CACNA2D3: variants seen among roughly 807,000 people sequenced by gnomAD.
CACNA2D3 encodes the protein calcium voltage-gated channel auxiliary subunit alpha2delta 3, also known as voltage-dependent calcium channel subunit alpha-2/delta-3.
Under a neutral mutation model 160.6 loss-of-function variants are expected in CACNA2D3, and 60 were observed. The ratio of observed to expected loss-of-function variants is 0.37; its 90% CI spans 0.30 to 0.46. CACNA2D3 has a LOEUF of 0.46. Among genes scored for constraint, CACNA2D3 ranks in the 20% least tolerant of loss-of-function variants. The probability of loss-of-function intolerance (pLI) is 1.00; values close to 1 mark genes in which losing one functional copy is unlikely to be tolerated. For synonymous variants in CACNA2D3, 558 were observed against 492.9 expected (o/e 1.13, Z -1.75); for missense variants, 1,205 against 1,365.0 (o/e 0.88, Z 1.85).
At chr3:54,688,390 T>C (rs1326641449) in intron 11 of CACNA2D3, among the ~76,000 whole-genome samples, 1 of 152,042 alleles carries the variant, frequency 6.6e-6, no homozygotes, top group African/African-American at 2.4e-5. Flanking sequence ...CTTTTTCCTG[T>C]GCCTTTTTTC....
chr3:54,542,904 C>A (rs1477460048), intron 5 of CACNA2D3, among the ~76,000 whole-genome samples: 1 of 152,098 alleles, frequency 6.6e-6, no homozygotes, highest in Non-Finnish European at 1.5e-5. Context: ...AACAGTATTT[C>A]TATTTGTTTA....
chr3:54,767,097 A>G (rs1433663851), intron 13 of CACNA2D3, among the ~76,000 whole-genome samples: 3 of 151,860 alleles, frequency 2.0e-5, no homozygotes, highest in Admixed American at 6.6e-5. Flanking sequence ...GGAGAAAATG[A>G]CACAACTCTG....
chr3:55,021,757 A>G (rs377340455), intron 35 of CACNA2D3, among the ~76,000 whole-genome samples: 5 of 149,564 alleles, frequency 3.3e-5, no homozygotes, highest in African/African-American at 1.2e-4. Context: ...CATCTCTAAC[A>G]AGTTTCTCAT....
intron 4 of CACNA2D3, among the ~76,000 whole-genome samples, chr3:54,430,676 A>G (rs1699976130): frequency 6.6e-6 from 1 of 152,228 alleles, no homozygotes; most frequent in East Asian, 1.9e-4. Flanking sequence ...AGTCTCTTCC[A>G]GACCTGCAAT....
intron 4 of CACNA2D3, among the ~76,000 whole-genome samples, chr3:54,446,957 G>A (rs560297862): frequency 6.6e-6 from 1 of 152,316 alleles, no homozygotes; most frequent in South Asian, 2.1e-4. Context: ...TTCAAGGTGG[G>A]ATCCCGGAGG....
chr3:54,644,469 G>A (rs977750477), intron 11 of CACNA2D3, among the ~76,000 whole-genome samples: 1 of 152,080 alleles, frequency 6.6e-6, no homozygotes, highest in Non-Finnish European at 1.5e-5. Context: ...TAATCAACTC[G>A]CATAAAAACC....
At chr3:55,030,931 A>G (rs929859486) in intron 35 of CACNA2D3, among the ~76,000 whole-genome samples, 5 of 152,178 alleles carry the variant, frequency 3.3e-5, no homozygotes, top group Non-Finnish European at 5.9e-5. Flanking sequence ...GCGCATGTCT[A>G]TAATGACTAG....
chr3:54,577,228 G>A (rs911198258), intron 8 of CACNA2D3, among the ~76,000 whole-genome samples: 4 of 152,178 alleles, frequency 2.6e-5, no homozygotes, highest in Admixed American at 1.3e-4. Flanking sequence ...GTAATATTCA[G>A]TGAGCAAATA....
intron 3 of CACNA2D3, among the ~76,000 whole-genome samples, chr3:54,325,546 G>A (rs772869038): frequency 2.0e-5 from 3 of 152,134 alleles, no homozygotes; most frequent in Non-Finnish European, 4.4e-5. Context: ...TGGTTTCAGG[G>A]CCAGACACTG....
chr3:54,478,660 G>GTGTATGTATATATATATATATATA lies in CACNA2D3; in HGVS notation c.382-24831_382-24830insGTATGTATATATATATATATATAT. ...AAAATATATATATAAATATGTGTGTGTATATATATATATATATATTGCTTG... is the reference window on the plus strand; with the variant it reads ...AAAATATATATATAAATATGTGTGTGTGTATGTATATATATATATATATATATATATATATATATATATTGCTTG... On this transcript the variant is annotated intron_variant, in intron 4 of 37. Coordinates refer to ENST00000474759, the MANE Select transcript of CACNA2D3 (RefSeq NM_018398.3). Among the ~76,000 whole-genome samples, 5 of 36,374 alleles carry GTGTATGTATATATATATATATATA rather than the reference G, an allele frequency of 1.4e-4. 1 individual carries two copies. The highest frequency in any genetic ancestry group is 3.6e-4 in the African/African-American group (5 of 13,852). 23.9% of individuals were successfully genotyped at this position (36,374 alleles called of 152,430 possible).
Position 54,971,051 on chromosome 3 carries a change from T to C in CACNA2D3, c.2556+1207T>C, listed in dbSNP as rs1484903765. Reference sequence around the variant, plus strand: ...CCAGGATGAAGTTAAAACAAAATGCTCGGTCCCAGAGGATCTGGCTGCTGG... The same window carrying C: ...CCAGGATGAAGTTAAAACAAAATGCCCGGTCCCAGAGGATCTGGCTGCTGG... On this transcript the variant is annotated intron_variant, in intron 29 of 37. Transcript: ENST00000474759. Among the ~76,000 whole-genome samples, 3 of 151,890 alleles carry C rather than the reference T, an allele frequency of 2.0e-5. No homozygotes were observed. In the East Asian group the frequency reaches 5.8e-4, roughly 29 times the overall value.
At chr3:54,644,877 C>T (rs2106851331) in intron 11 of CACNA2D3, among the ~76,000 whole-genome samples, 1 of 152,338 alleles carries the variant, frequency 6.6e-6, no homozygotes, top group Middle Eastern at 3.4e-3. Flanking sequence ...TTTAGATACT[C>T]TGCAGGCTTT....
At position 54,610,659 on chromosome 3, in the gene CACNA2D3, C is replaced by G. The variant is rs568991931; in HGVS notation, c.964-17128C>G. Among the ~76,000 whole-genome samples, 4 of 151,966 alleles carry G rather than the reference C, an allele frequency of 2.6e-5. No homozygotes were observed. In the East Asian group the frequency reaches 7.8e-4, roughly 29 times the overall value. On this transcript the variant is annotated intron_variant, in intron 9 of 37. Coordinates refer to ENST00000474759, the MANE Select transcript of CACNA2D3 (RefSeq NM_018398.3). ...TCTTTTTGAGATGGAGTTTCACTCT[C>G]GTCACCCAGGCTGGAGTGCAGTGGC...
At chr3:54,355,860 G>T (rs1698640288) in intron 3 of CACNA2D3, among the ~76,000 whole-genome samples, 1 of 152,186 alleles carries the variant, frequency 6.6e-6, no homozygotes, top group Non-Finnish European at 1.5e-5. Flanking sequence ...ATAAACTCGA[G>T]TTAGTCTGGA....
intron 11 of CACNA2D3, among the ~76,000 whole-genome samples, chr3:54,734,241 A>G (rs2107020614): frequency 6.6e-6 from 1 of 152,286 alleles, no homozygotes; most frequent in Middle Eastern, 3.4e-3. Flanking sequence ...TGAGGACACT[A>G]AGTCATTCTT....
intron 11 of CACNA2D3, among the ~76,000 whole-genome samples, chr3:54,681,707 A>G (rs1488584204): frequency 2.6e-5 from 4 of 152,162 alleles, no homozygotes; most frequent in African/African-American, 9.7e-5. Flanking sequence ...TTTCTGAAAC[A>G]GAGTCTCGCT....
intron 13 of CACNA2D3, among the ~76,000 whole-genome samples, chr3:54,774,041 T>C (rs1702371354): frequency 6.6e-6 from 1 of 152,208 alleles, no homozygotes; most frequent in Admixed American, 6.5e-5. Context: ...CTAGCCTGAA[T>C]AATCATACAA....
intron 2 of CACNA2D3, among the ~76,000 whole-genome samples, chr3:54,168,724 TAAC>T (rs765302363): frequency 2.0e-5 from 3 of 152,140 alleles, no homozygotes; most frequent in Non-Finnish European, 4.4e-5. Context: ...GCAAATGAAT[TAAC>T]AACTGATGCA....
chr3:54,870,754 C>A (rs566978296), intron 17 of CACNA2D3, among the ~76,000 whole-genome samples: 2 of 152,214 alleles, frequency 1.3e-5, no homozygotes, highest in East Asian at 3.9e-4. Context: ...TTCCCAATAC[C>A]CTCATCTACT....
Sources: allele counts gnomAD v4.1 joint callset (sites outside exome capture counted in the v4.1 genomes callset), GRCh38; gene constraint gnomAD v4.1.1; transcripts MANE v1.5; gene names NCBI Gene and HGNC (gene_info 2026-07-23, HGNC 2026-07-21).